The following ATF1 variants were observed in gnomAD, a reference collection of about 807,000 sequenced individuals.
ATF1 encodes the protein cyclic AMP-dependent transcription factor ATF-1.
A neutral mutation model predicts 34.7 loss-of-function variants in ATF1; 16 were observed. That is an observed-to-expected ratio of 0.46 (90% CI 0.31 to 0.70). ATF1 has a LOEUF of 0.70. Among genes scored for constraint, ATF1 ranks in the 30% least tolerant of loss-of-function variants. ATF1 has a pLI of 0.05. For missense variants in ATF1, 255 were observed against 321.6 expected (o/e 0.79, Z 1.58); for synonymous variants, 105 against 113.1 (o/e 0.93, Z 0.46).
chr12:50,816,059 G>T (rs1198919488), intron 6 of ATF1, among the ~76,000 whole-genome samples: 1 of 152,204 alleles, frequency 6.6e-6, no homozygotes, highest in Non-Finnish European at 1.5e-5. Flanking sequence ...ATAGGGCTGG[G>T]CGTGGTGGCT....
At chr12:50,797,049 A>C (rs1941422142) in intron 3 of ATF1, among the ~76,000 whole-genome samples, 1 of 152,234 alleles carries the variant, frequency 6.6e-6, no homozygotes, top group African/African-American at 2.4e-5. Flanking sequence ...AGACAAAATG[A>C]GAGAACCTGA....
At chr12:50,776,564 G>A (rs1940930551) in intron 1 of ATF1, among the ~76,000 whole-genome samples, 1 of 149,804 alleles carries the variant, frequency 6.7e-6, no homozygotes, top group Admixed American at 6.7e-5. Context: ...GATATGACCA[G>A]ATAACTCATA....
At chr12:50,780,350 GT>G (rs1363904445) in intron 2 of ATF1, 112 bp downstream of exon 2, 1,023 of 913,864 alleles carry the variant, frequency 1.1e-3, no homozygotes, top group South Asian at 2.0e-3. Context: ...TGTTTTTTGG[GT>G]TTTTTTTTTC....
chr12:50,819,510 T>G, intron 6 of ATF1, 125 bp from the exon 7 acceptor site: 1 of 1,083,450 alleles, frequency 9.2e-7, no homozygotes, highest in Non-Finnish European at 1.3e-6. Context: ...GATCTATGTA[T>G]TCTCTGTGTG....
chr12:50,809,730 C>A, intron 4 of ATF1, 141 bp downstream of exon 4: 2 of 936,668 alleles, frequency 2.1e-6, no homozygotes, highest in Non-Finnish European at 3.0e-6. Flanking sequence ...ATGCGAAGTA[C>A]TGTTTCAGCA....
intron 2 of ATF1, among the ~76,000 whole-genome samples, chr12:50,783,169 A>G (rs1165897325): frequency 2.0e-5 from 3 of 152,228 alleles, no homozygotes; most frequent in Non-Finnish European, 4.4e-5. Flanking sequence ...AATTTTAAAT[A>G]TGGTAAGTAT....
At chr12:50,812,056 T>A (rs1183917917) in intron 4 of ATF1, among the ~76,000 whole-genome samples, 4 of 152,196 alleles carry the variant, frequency 2.6e-5, no homozygotes, top group Admixed American at 1.3e-4. Flanking sequence ...AAACTGAAAT[T>A]TTAATTTTGT....
At chr12:50,803,644 T>G (rs1941558951) in intron 3 of ATF1, among the ~76,000 whole-genome samples, 1 of 152,166 alleles carries the variant, frequency 6.6e-6, no homozygotes, top group Non-Finnish European at 1.5e-5. Flanking sequence ...AACTTGTTCA[T>G]GAATGTTTAT....
At chr12:50,819,506 T>C (rs891363373) in intron 6 of ATF1, 129 bp from the exon 7 acceptor site, 93 of 1,030,306 alleles carry the variant, frequency 9.0e-5, no homozygotes, top group Non-Finnish European at 1.3e-4. Flanking sequence ...TTAAGATCTA[T>C]GTATTCTCTG....
At chr12:50,796,490 T>G (rs1592188756) in intron 3 of ATF1, among the ~76,000 whole-genome samples, 1 of 151,282 alleles carries the variant, frequency 6.6e-6, no homozygotes, top group Non-Finnish European at 1.5e-5. Flanking sequence ...CACCTGAGGT[T>G]AGGAGTTTGA....
At chr12:50,796,368 TG>T (rs1358769554) in intron 3 of ATF1, among the ~76,000 whole-genome samples, 6 of 152,228 alleles carry the variant, frequency 3.9e-5, no homozygotes, top group Admixed American at 3.3e-4. Context: ...TGCTCCAGCC[TG>T]GGTGATAGAG....
chr12:50,780,069 T>C (rs529993732), intron 1 of ATF1, 71 bp from the exon 2 acceptor site: 33 of 1,138,770 alleles, frequency 2.9e-5, no homozygotes, highest in Non-Finnish European at 5.0e-6. Flanking sequence ...TCAATTTTTA[T>C]ATGATTCTAT....
At chr12:50,769,818 A>G (rs1004425010) in intron 1 of ATF1, among the ~76,000 whole-genome samples, 12 of 152,248 alleles carry the variant, frequency 7.9e-5, no homozygotes, top group African/African-American at 2.4e-4. Context: ...ATAATCAGCT[A>G]TAGAACTCTA....
At chr12:50,796,823 C>T (rs10783389) in intron 3 of ATF1, among the ~76,000 whole-genome samples, 35,802 of 151,956 alleles carry the variant, frequency 0.24, 4,970 homozygotes, top group East Asian at 0.4. Flanking sequence ...AGAACATAGG[C>T]GATAAGCTCT....
Position 50,793,123 on chromosome 12 carries a change from C to T in ATF1, c.94-2786C>T, listed in dbSNP as rs1425219413. On this transcript the variant is annotated intron_variant, in intron 2 of 6. Coordinates refer to ENST00000262053, the MANE Select transcript of ATF1 (RefSeq NM_005171.5). Reference sequence around the variant, plus strand: ...ACTAGAGCTGCATCTTTATGTGGTACTCCCATGTGAAAGGAGGTGGCTGCA... The same window carrying T: ...ACTAGAGCTGCATCTTTATGTGGTATTCCCATGTGAAAGGAGGTGGCTGCA... Among the ~76,000 whole-genome samples, 3 of 152,164 alleles carry T rather than the reference C, an allele frequency of 2.0e-5. No individual in the cohort carries two copies. The East Asian group carries it at 5.8e-4, about 29-fold the overall frequency.
rs1470088974 is a variant in ATF1, at chr12:50,820,745, T to C, written c.*966T>C. ...TAATAGTATAGTTATTAAGGCAATT[T>C]TATGTTAGAGACTATTTTGTAATGT... is the stretch of plus-strand genomic sequence containing the variant. On this transcript the variant is annotated 3_prime_UTR_variant, in exon 7 of 7. Transcript: ENST00000262053. 1 of 179,360 alleles carries C rather than the reference T, an allele frequency of 5.6e-6. No homozygotes were observed. The highest frequency in any genetic ancestry group is 2.4e-5 in the African/African-American group (1 of 42,230). The allele number at this position is 179,360 out of a possible 1,614,324, so 11.1% of individuals were successfully genotyped here. A position where few individuals can be genotyped will look rare whatever the true frequency, so the allele number is the denominator to read the frequency against.
chr12:50,812,167 A>C (rs1941751549), intron 4 of ATF1, among the ~76,000 whole-genome samples: 1 of 152,262 alleles, frequency 6.6e-6, no homozygotes, highest in Non-Finnish European at 1.5e-5. Context: ...TACACATGTT[A>C]AGAACAGGAA....
At chr12:50,767,001 GT>G (rs1940652917) in intron 1 of ATF1, among the ~76,000 whole-genome samples, 1 of 152,102 alleles carries the variant, frequency 6.6e-6, no homozygotes, top group Admixed American at 6.6e-5. Flanking sequence ...TAATGTCTTT[GT>G]TTTATCACAC....
chr12:50,795,818 G>T, intron 2 of ATF1, 91 bp from the exon 3 acceptor site: 1 of 915,390 alleles, frequency 1.1e-6, no homozygotes. Flanking sequence ...TGGAGTGGCA[G>T]GAGACAGATC....
Sources: allele counts gnomAD v4.1 joint callset (sites outside exome capture counted in the v4.1 genomes callset), GRCh38; gene constraint gnomAD v4.1.1; transcripts MANE v1.5; gene names NCBI Gene and HGNC (gene_info 2026-07-23, HGNC 2026-07-21).